The following AGBL4 variants were observed in gnomAD, a reference collection of about 807,000 sequenced individuals.
AGBL4 encodes the protein cytosolic carboxypeptidase 6.
Under a neutral mutation model 66.4 loss-of-function variants are expected in AGBL4, and 58 were observed. The ratio of observed to expected loss-of-function variants is 0.87; its 90% confidence interval spans 0.71 to 1.09. AGBL4 has a LOEUF of 1.09. AGBL4 is among the 50% of genes least tolerant of loss of function. AGBL4 has a pLI of 0.00. For missense variants in AGBL4, 579 were observed against 631.0 expected (o/e 0.92, Z 0.88); for synonymous variants, 234 against 222.9 (o/e 1.05, Z -0.44).
At position 50,019,807 on chromosome 1, in the gene AGBL4, G is replaced by A. The variant is rs1363270450; in HGVS notation, c.34+3956C>T. 1.3e-5 allele frequency among the ~76,000 whole-genome samples: 2 copies of A among 151,992 alleles called. 1 individual carries two copies. Among genetic ancestry groups the A allele is most frequent in the South Asian group, 4.1e-4 (2 of 4,830 alleles). On this transcript the variant is annotated intron_variant, in intron 1 of 13. Transcript: ENST00000371839. Reference sequence around the variant, plus strand: ...GAGAAGAAGCTAAGAAAAAGAAGCAGGTGCAATCTAGCATGAGACTAATAC... The same window carrying A: ...GAGAAGAAGCTAAGAAAAAGAAGCAAGTGCAATCTAGCATGAGACTAATAC...
At chr1:49,280,618 T>C (rs1182200025) in intron 3 of AGBL4, among the ~76,000 whole-genome samples, 8 of 152,302 alleles carry the variant, frequency 5.3e-5, no homozygotes, top group Non-Finnish European at 2.9e-5. Flanking sequence ...CAGAGGTAGA[T>C]ATTAAGGTCC....
intron 8 of AGBL4, among the ~76,000 whole-genome samples, chr1:48,643,419 A>G (rs1257300728): frequency 6.6e-6 from 1 of 152,134 alleles, no homozygotes. Flanking sequence ...CAACAGCCAC[A>G]CCAGAGCACT....
At chr1:48,826,726 T>C (rs1381814403) in intron 6 of AGBL4, among the ~76,000 whole-genome samples, 1 of 152,190 alleles carries the variant, frequency 6.6e-6, no homozygotes, top group African/African-American at 2.4e-5. Context: ...TTTCCATGAT[T>C]TTGATTCCAT....
In AGBL4 at chr1:48,989,794, G is replaced by T. The variant is rs538986661; in HGVS notation, c.594+55790C>A. ...TCATCTGTTGATGGACACTTAGGTT[G>T]CTTCCAGATCTTGGCTATTGTGAAC... On this transcript the variant is annotated intron_variant, in intron 5 of 13. Coordinates refer to ENST00000371839, the MANE Select transcript of AGBL4 (RefSeq NM_032785.4). Among the ~76,000 whole-genome samples the T allele has an allele frequency of 1.5e-4, 23 of 152,328 alleles. No individual in the cohort carries two copies. The South Asian group carries it at 3.5e-3, about 23-fold the overall frequency.
chr1:49,415,540 A>G (rs1005692489), intron 3 of AGBL4, among the ~76,000 whole-genome samples: 3 of 152,088 alleles, frequency 2.0e-5, no homozygotes, highest in Non-Finnish European at 4.4e-5. Context: ...AAGTGACATT[A>G]AAATGTAGGG....
intron 5 of AGBL4, among the ~76,000 whole-genome samples, chr1:48,884,191 G>A (rs1471489563): frequency 1.3e-5 from 2 of 152,138 alleles, no homozygotes; most frequent in Non-Finnish European, 2.9e-5. Context: ...ATGTATCTTA[G>A]CTCAAATCTG....
chr1:49,123,061 G>A (rs1384940965), intron 4 of AGBL4, among the ~76,000 whole-genome samples: 1 of 152,066 alleles, frequency 6.6e-6, no homozygotes, highest in Non-Finnish European at 1.5e-5. Flanking sequence ...CACTATGTTG[G>A]CCAGGCTGGT....
chr1:48,563,576 A>G lies in AGBL4; in HGVS notation c.1267+23428T>C, dbSNP rs572441099. 3.9e-5 allele frequency among the ~76,000 whole-genome samples: 6 copies of G among 152,322 alleles called. No individual in the cohort carries two copies. In the East Asian group the frequency reaches 1.2e-3, roughly 29 times the overall value. ...GAGGAGATACAGAGAGTAACAACAC[A>G]CAAAGACAAATTCTCAGAGAAAGTG... On this transcript the variant is annotated intron_variant, in intron 11 of 13. Coordinates refer to ENST00000371839, the MANE Select transcript of AGBL4 (RefSeq NM_032785.4).
intron 2 of AGBL4, among the ~76,000 whole-genome samples, chr1:49,700,047 C>G (rs1647057901): frequency 6.6e-6 from 1 of 151,218 alleles, no homozygotes; most frequent in African/African-American, 2.4e-5. Context: ...AAATACAAGA[C>G]AAAATTTTAT....
At chr1:50,020,528 T>G (rs977804496) in intron 1 of AGBL4, among the ~76,000 whole-genome samples, 14 of 152,160 alleles carry the variant, frequency 9.2e-5, no homozygotes, top group Admixed American at 8.5e-4. Context: ...CATTTCACCT[T>G]GTTAGAATAT....
At chr1:48,799,733 T>A (rs1645767321) in intron 6 of AGBL4, among the ~76,000 whole-genome samples, 1 of 152,170 alleles carries the variant, frequency 6.6e-6, no homozygotes, top group Non-Finnish European at 1.5e-5. Context: ...CAAATGCTTT[T>A]TTGTGTCTAT....
chr1:49,931,787 G>A (rs1470171668), intron 1 of AGBL4, among the ~76,000 whole-genome samples: 1 of 152,148 alleles, frequency 6.6e-6, no homozygotes, highest in African/African-American at 2.4e-5. Context: ...TACAAAAATA[G>A]TGAGGACCTA....
chr1:49,217,971 G>C (rs1356187520), intron 4 of AGBL4, among the ~76,000 whole-genome samples: 2 of 152,062 alleles, frequency 1.3e-5, no homozygotes, highest in Non-Finnish European at 2.9e-5. Flanking sequence ...GAACAGAGTT[G>C]ATTGCCTTAT....
At chr1:49,138,254 A>C (rs932666241) in intron 4 of AGBL4, among the ~76,000 whole-genome samples, 1 of 152,144 alleles carries the variant, frequency 6.6e-6, no homozygotes, top group African/African-American at 2.4e-5. Flanking sequence ...CAGAGCCTTT[A>C]AGGAGACGGT....
intron 4 of AGBL4, among the ~76,000 whole-genome samples, chr1:49,099,458 A>G (rs893673333): frequency 2.6e-5 from 4 of 152,132 alleles, no homozygotes; most frequent in African/African-American, 4.8e-5. Context: ...TAAGCAACTC[A>G]ATGTATCAGC....
intron 5 of AGBL4, among the ~76,000 whole-genome samples, chr1:48,929,931 C>A (rs1037220974): frequency 6.6e-6 from 1 of 152,150 alleles, no homozygotes; most frequent in African/African-American, 2.4e-5. Flanking sequence ...CAGGCTTAGG[C>A]CTCCTGGGAT....
chr1:48,764,714 A>G (rs972451873), intron 6 of AGBL4, among the ~76,000 whole-genome samples: 1 of 152,260 alleles, frequency 6.6e-6, no homozygotes, highest in Admixed American at 6.5e-5. Context: ...ATGTCAGGCA[A>G]GCTGCTACCT....
intron 2 of AGBL4, among the ~76,000 whole-genome samples, chr1:49,817,573 A>G (rs948629904): frequency 2.6e-5 from 4 of 152,224 alleles, no homozygotes; most frequent in African/African-American, 9.6e-5. Context: ...ATTCCTAAGT[A>G]ATATTAAGCT....
chr1:48,813,740 C>T (rs2355686), intron 6 of AGBL4, among the ~76,000 whole-genome samples: 124,258 of 151,954 alleles, frequency 0.82, 53,552 homozygotes, highest in Non-Finnish European at 0.96. Flanking sequence ...GGTGATGGAG[C>T]AGAATTGGGT....
Sources: gnomAD v4.1 joint callset for allele counts (sites outside exome capture counted in the v4.1 genomes callset) on GRCh38, gnomAD v4.1.1 for gene constraint, MANE v1.5 for transcripts, NCBI Gene and HGNC (gene_info 2026-07-23, HGNC 2026-07-21) for gene names.